Variants in ABHD2 observed in about 807,000 individuals in gnomAD.
The protein encoded by ABHD2 is abhydrolase domain containing 2, acylglycerol lipase.
A neutral mutation model predicts 48.1 loss-of-function variants in ABHD2; 20 were observed. The observed-to-expected ratio is 0.42, with a 90% confidence interval of 0.29 to 0.60. The LOEUF is 0.60. Among genes scored for constraint, ABHD2 ranks in the 20% least tolerant of loss-of-function variants. The pLI is 0.24. For synonymous variants in ABHD2, 209 were observed against 214.2 expected (o/e 0.98, Z 0.21); for missense variants, 405 against 550.9 (o/e 0.74, Z 2.65).
intron 9 of ABHD2, among the ~76,000 whole-genome samples, chr15:89,192,502 T>C (rs1178814163): frequency 6.6e-6 from 1 of 151,908 alleles, no homozygotes; most frequent in Admixed American, 6.6e-5. Flanking sequence ...CAGATTCTTT[T>C]TCTTTTCTTT....
the ABHD2 span, among the ~76,000 whole-genome samples, chr15:89,056,121 G>T: frequency 6.6e-6 from 1 of 152,150 alleles, no homozygotes; most frequent in Non-Finnish European, 1.5e-5. Context: ...CCAAAGTGCT[G>T]GGATTACAGA....
Position 89,197,608 on chromosome 15 carries a change from A to G in ABHD2, c.*2185A>G, listed in dbSNP as rs961610120. 1.5e-4 allele frequency: 23 copies of G among 152,248 alleles called. No homozygotes were observed. Among genetic ancestry groups the G allele is most frequent in the African/African-American group, 5.3e-4 (22 of 41,462 alleles). The allele number at this position is 152,248 out of a possible 1,614,324, so 9.4% of individuals were successfully genotyped here. A position where few individuals can be genotyped will look rare whatever the true frequency, so the allele number is the denominator to read the frequency against. Reference sequence around the variant, plus strand: ...AGGCCACACCCCTTAACCTGTTCTGACAAAATAGTGGCTGGCCCATGTACC... The same window carrying G: ...AGGCCACACCCCTTAACCTGTTCTGGCAAAATAGTGGCTGGCCCATGTACC... On this transcript the variant is annotated 3_prime_UTR_variant, in exon 11 of 11. Transcript: ENST00000352732. The surrounding 1 kb of genome is among the most constrained non-coding windows in gnomAD (Gnocchi z 4.4).
intron 5 of ABHD2, among the ~76,000 whole-genome samples, chr15:89,157,274 AT>A (rs1401644530): frequency 3.9e-5 from 6 of 152,188 alleles, no homozygotes; most frequent in African/African-American, 4.8e-5. Context: ...CAGAGTCAAC[AT>A]TTTTTTATGC....
intron 3 of ABHD2, among the ~76,000 whole-genome samples, chr15:89,119,269 T>C (rs1596080844): frequency 6.6e-6 from 1 of 152,204 alleles, no homozygotes; most frequent in Admixed American, 6.5e-5. Flanking sequence ...CTTAAGCAGC[T>C]AAATTCTAAA....
At chr15:89,077,979 T>A in the ABHD2 span, among the ~76,000 whole-genome samples, 1 of 152,202 alleles carries the variant, frequency 6.6e-6, no homozygotes, top group South Asian at 2.1e-4. Context: ...AGTAATGATG[T>A]CATATTTTCC....
the ABHD2 span, among the ~76,000 whole-genome samples, chr15:89,063,348 T>C: frequency 6.6e-6 from 1 of 152,000 alleles, no homozygotes; most frequent in Non-Finnish European, 1.5e-5. Context: ...ATATGAAAAA[T>C]TTGCTCATAA....
rs2051251178 is a variant in ABHD2, at chr15:89,188,502, T to C, written c.926+199T>C. On this transcript the variant is annotated intron_variant, in intron 8 of 10. Coordinates refer to ENST00000352732, the MANE Select transcript of ABHD2 (RefSeq NM_152924.5). This position sits in a 1 kb window ranked among gnomAD's most constrained non-coding sequence, Gnocchi z 4.1. ...TAAATTTCTAGTTTCTCCTGGAAAA[T>C]AGGAAAAGGATCCGACCACTCATTC... Among the ~76,000 whole-genome samples the C allele has an allele frequency of 6.6e-6, 1 of 151,942 alleles. No individual in the cohort carries two copies. Among genetic ancestry groups the C allele is most frequent in the Admixed American group, 6.6e-5 (1 of 15,250 alleles).
At chr15:89,084,489 G>A (rs1596048571), upstream of ABHD2, among the ~76,000 whole-genome samples, 2 of 152,154 alleles carry the variant, frequency 1.3e-5, no homozygotes, top group Middle Eastern at 3.4e-3. This position sits in a 1 kb window ranked among gnomAD's most constrained non-coding sequence, Gnocchi z 4.4. Flanking sequence ...TAGTAGAGAC[G>A]GTGTTTCGCC....
the ABHD2 span, among the ~76,000 whole-genome samples, chr15:89,053,907 G>T: frequency 6.6e-6 from 1 of 152,174 alleles, no homozygotes; most frequent in Non-Finnish European, 1.5e-5. Context: ...ACCTCCGCAT[G>T]GAGCCTTGAA....
Position 89,201,995 on chromosome 15 carries a change from T to C in ABHD2, c.*6572T>C, listed in dbSNP as rs575956940. The C allele has an allele frequency of 2.5e-4, 113 of 456,486 alleles. No individual in the cohort carries two copies. The highest frequency in any genetic ancestry group is 2.0e-3 in the African/African-American group (99 of 49,830). The allele number at this position is 456,486 out of a possible 1,614,324, so 28.3% of individuals were successfully genotyped here. A position where few individuals can be genotyped will look rare whatever the true frequency, so the allele number is the denominator to read the frequency against. Reference sequence around the variant, plus strand: ...ACTTTCACATTCCTGATTCTGATTTTGTTTTGTTTTGTTTGGGTTTTCTGA... The same window carrying C: ...ACTTTCACATTCCTGATTCTGATTTCGTTTTGTTTTGTTTGGGTTTTCTGA... On this transcript the variant is annotated 3_prime_UTR_variant, in exon 11 of 11. Coordinates refer to ENST00000352732, the MANE Select transcript of ABHD2 (RefSeq NM_152924.5).
At chr15:89,194,958 A>G (rs2051371920) in intron 10 of ABHD2, among the ~76,000 whole-genome samples, 1 of 152,200 alleles carries the variant, frequency 6.6e-6, no homozygotes, top group African/African-American at 2.4e-5. Flanking sequence ...TCTAATATGC[A>G]GCCGAGTTTG....
chr15:89,042,920 A>T, the ABHD2 span, among the ~76,000 whole-genome samples: 1 of 151,948 alleles, frequency 6.6e-6, no homozygotes, highest in African/African-American at 2.4e-5. Context: ...CACCCGCCTC[A>T]ACTTCCCAAA....
chr15:89,151,602 A>G lies in ABHD2; in HGVS notation c.195-75A>G. 6.7e-7 allele frequency: 1 copy of G among 1,501,326 alleles called. No homozygotes were observed. Among genetic ancestry groups the G allele is most frequent in the Non-Finnish European group, 9.0e-7 (1 of 1,109,316 alleles). 93.0% of individuals were successfully genotyped at this position (1,501,326 alleles called of 1,614,324 possible). On this transcript the variant is annotated intron_variant, in intron 3 of 10. Coordinates refer to ENST00000352732, the MANE Select transcript of ABHD2 (RefSeq NM_152924.5). This position sits in a 1 kb window ranked among gnomAD's most constrained non-coding sequence, Gnocchi z 4.7. ...CCCTGGAACAAAAATAGGTTGAAAG[A>G]GTTTTGCTAAAAGATTTTTCAGAAC...
the ABHD2 span, among the ~76,000 whole-genome samples, chr15:89,065,986 G>A: frequency 6.6e-6 from 1 of 152,108 alleles, no homozygotes; most frequent in South Asian, 2.1e-4. Flanking sequence ...AAGGAAACTC[G>A]GGTTCAATCA....
chr15:89,167,714 T>C lies in ABHD2; in HGVS notation c.539-8098T>C, dbSNP rs1377553096. ...GCCTTAACTTTATTTCTACAGCTAT[T>C]GTATTCCTGGATGACTCAGCTTTAA... On this transcript the variant is annotated intron_variant, in intron 5 of 10. Transcript: ENST00000352732. The surrounding 1 kb of genome is among the most constrained non-coding windows in gnomAD (Gnocchi z 5.5). Among the ~76,000 whole-genome samples, 1 of 152,220 alleles carries C rather than the reference T, an allele frequency of 6.6e-6. No individual in the cohort carries two copies. Among genetic ancestry groups the C allele is most frequent in the African/African-American group, 2.4e-5 (1 of 41,450 alleles).
chr15:89,080,171 C>A, the ABHD2 span, among the ~76,000 whole-genome samples: 2 of 152,302 alleles, frequency 1.3e-5, no homozygotes, highest in Admixed American at 6.5e-5. Flanking sequence ...GGATTGTCAT[C>A]CTGAGATAAG....
Position 89,196,227 on chromosome 15 carries a change from A to G in ABHD2, c.*804A>G, listed in dbSNP as rs2051400251. The stretch of plus-strand genomic sequence containing the variant: ...TTTGCAGCTCGTTTTATTGAAATTC[A>G]TAATCAGGGGTGTCCTCTAGCTCCC... On this transcript the variant is annotated 3_prime_UTR_variant, in exon 11 of 11. Coordinates refer to ENST00000352732, the MANE Select transcript of ABHD2 (RefSeq NM_152924.5). The G allele has an allele frequency of 6.6e-6, 1 of 152,160 alleles. No individual in the cohort carries two copies. The highest frequency in any genetic ancestry group is 1.5e-5 in the Non-Finnish European group (1 of 68,038). 9.4% of individuals were successfully genotyped at this position (152,160 alleles called of 1,614,324 possible).
chr15:89,192,468 C>A (rs953941486), intron 9 of ABHD2, among the ~76,000 whole-genome samples: 2 of 151,928 alleles, frequency 1.3e-5, no homozygotes, highest in African/African-American at 4.8e-5. Flanking sequence ...CAATATCCAC[C>A]AGCCTATTCC....
At chr15:89,095,677 T>G (rs1390911427) in intron 1 of ABHD2, among the ~76,000 whole-genome samples, 1 of 152,218 alleles carries the variant, frequency 6.6e-6, no homozygotes, top group Non-Finnish European at 1.5e-5. Context: ...ATGACCTCTC[T>G]TCCGTGTCCC....
Sources: gnomAD v4.1 joint callset for allele counts (sites outside exome capture counted in the v4.1 genomes callset) on GRCh38, gnomAD v4.1.1 for gene constraint, Gnocchi (gnomAD v3.1) non-coding constraint, MANE v1.5 for transcripts, NCBI Gene and HGNC (gene_info 2026-07-23, HGNC 2026-07-21) for gene names.